The following ASB11 variants were observed in gnomAD, a reference collection of about 807,000 sequenced individuals.
ASB11 encodes the protein ankyrin repeat and SOCS box containing 11.
ASB11 carries 17 observed loss-of-function variants against 20.1 expected under a neutral mutation model. That is an observed-to-expected ratio of 0.85 (90% CI 0.58 to 1.27). ASB11 has a LOEUF of 1.27. ASB11 is among the 50% of genes most tolerant of loss of function. The pLI is 0.00. For missense variants in ASB11, 259 were observed against 256.9 expected, an observed-to-expected ratio of 1.01 and a Z score of -0.06; for synonymous variants, 107 against 105.6, an observed-to-expected ratio of 1.01 and a Z score of -0.08.
At chrX:15,306,703 AAACAACAAC>A (rs767262827) in intron 1 of ASB11, among the ~76,000 whole-genome samples, 19 of 109,640 alleles carry the variant, frequency 1.7e-4, no homozygotes, top group East Asian at 1.4e-3. Context: ...ACTTTGTCTC[AAACAACAAC>A]AACAACAACA....
At chrX:15,289,956 G>C (rs1010630474) in intron 4 of ASB11, 14 of 201,518 alleles carry the variant, frequency 6.9e-5, no homozygotes, top group Non-Finnish European at 1.0e-4. Flanking sequence ...CCGGGGAGGA[G>C]GAGGTTACAG....
rs778723266 is a variant in ASB11 at position 15,284,115 on chromosome X, G to A, written c.848-486C>T. Reference sequence around the variant, plus strand: ...AAAATACAAAAAATTAGCCGGGTGTGGTGGCGGGTGCCTATAGTCCCAGCT... The same window carrying A: ...AAAATACAAAAAATTAGCCGGGTGTAGTGGCGGGTGCCTATAGTCCCAGCT... On this transcript the variant is annotated intron_variant, in intron 6 of 6. Coordinates refer to ENST00000480796, the MANE Select transcript of ASB11 (RefSeq NM_080873.3). 1.4e-3 allele frequency among the ~76,000 whole-genome samples: 153 copies of A among 106,634 alleles called. 1 individual carries two copies. Among genetic ancestry groups the A allele is most frequent in the African/African-American group, 3.2e-3 (91 of 28,167 alleles). 92.6% of individuals were successfully genotyped at this position (106,634 alleles called of 115,157 possible). A position where few individuals can be genotyped will look rare whatever the true frequency, so the allele number is the denominator to read the frequency against.
At chrX:15,283,864 A>G (rs1927266685) in intron 6 of ASB11, among the ~76,000 whole-genome samples, 1 of 111,718 alleles carries the variant, frequency 9.0e-6, no homozygotes, top group Admixed American at 9.5e-5. Flanking sequence ...TGGATTACCA[A>G]TGTTGAAGAA....
intron 6 of ASB11, among the ~76,000 whole-genome samples, chrX:15,284,231 G>C (rs769523785): frequency 1.3e-3 from 122 of 93,147 alleles, no homozygotes; most frequent in Middle Eastern, 6.1e-3. Context: ...CAGCCTGGGC[G>C]ACAGAGCGAG....
intron 1 of ASB11, among the ~76,000 whole-genome samples, 160 bp from the exon 2 acceptor site, chrX:15,302,967 G>A (rs768456556): frequency 4.5e-5 from 5 of 111,656 alleles, no homozygotes; most frequent in Admixed American, 9.5e-5. Context: ...CTTTCAGGGA[G>A]ACAAGCTACT....
intron 1 of ASB11, chrX:15,314,329 C>CT (rs201659261): frequency 0.027 from 24,082 of 908,059 alleles, 10 homozygotes; most frequent in African/African-American, 0.037. Context: ...AGAAGCATTA[C>CT]TTTTTTTTTT....
chrX:15,297,736 G>A (rs762369980), intron 2 of ASB11, 55 bp from the exon 3 acceptor site: 16 of 1,080,013 alleles, frequency 1.5e-5, no homozygotes, highest in Non-Finnish European at 1.7e-5. Context: ...GGGTCTCACT[G>A]TGTTGCCCAG....
At chrX:15,309,435 G>T (rs1478784277) in intron 1 of ASB11, among the ~76,000 whole-genome samples, 1 of 108,696 alleles carries the variant, frequency 9.2e-6, no homozygotes, top group Non-Finnish European at 1.9e-5. Flanking sequence ...ACAAGCTCAG[G>T]GCTCCCACAG....
chrX:15,294,789 A>T (rs1016632157), intron 3 of ASB11, among the ~76,000 whole-genome samples: 6 of 112,493 alleles, frequency 5.3e-5, no homozygotes, highest in South Asian at 3.6e-4. Context: ...TTACTAAAAA[A>T]TATTTGGTAG....
chrX:15,302,692 C>G (rs1328720437), intron 2 of ASB11, 36 bp downstream of exon 2: 3 of 1,134,370 alleles, frequency 2.6e-6, no homozygotes, highest in Non-Finnish European at 3.6e-6. Flanking sequence ...GTAATTATAG[C>G]ATAAGCATGA....
rs1222220025 is a variant in ASB11, at chrX:15,282,762, A to T, written c.*743T>A. 1.8e-5 allele frequency: 2 copies of T among 109,279 alleles called. No homozygotes were observed. The highest frequency in any genetic ancestry group is 3.8e-5 in the Non-Finnish European group (2 of 52,682). The allele number at this position is 109,279 out of a possible 1,213,427, so 9.0% of individuals were successfully genotyped here. On this transcript the variant is annotated 3_prime_UTR_variant, in exon 7 of 7. Transcript: ENST00000480796. ...ACCGCAGTAACTGGAAGCCTCAGTT[A>T]ACTACAATGTTTCTGAAGTCCTTAA...
Position 15,287,924 on chromosome X carries a change from C to T in ASB11, c.804G>A (p.Ala268=), listed in dbSNP as rs1927434124. Reference sequence around the variant, plus strand: ...CCTGCTCCACGCTGCTTTTTGGAGCCGCCAGATCAAGCGCACTTTTGCCCT... The same window carrying T: ...CCTGCTCCACGCTGCTTTTTGGAGCTGCCAGATCAAGCGCACTTTTGCCCT... ...NAQGKSALDL[A]APKSSVEQAL... is the part of the protein sequence containing the mutation. The change falls in exon 6 of 7, where the codon GCG becomes GCA. Residue 268 remains alanine (A), a synonymous_variant. Coordinates refer to ENST00000480796, the MANE Select transcript of ASB11 (RefSeq NM_080873.3). 5 of 1,209,619 alleles carry T rather than the reference C, an allele frequency of 4.1e-6. No individual in the cohort carries two copies. The highest frequency in any genetic ancestry group is 5.6e-6 in the Non-Finnish European group (5 of 894,886).
intron 5 of ASB11, among the ~76,000 whole-genome samples, chrX:15,289,081 T>A (rs1206712917): frequency 8.9e-6 from 1 of 112,001 alleles, no homozygotes; most frequent in Non-Finnish European, 1.9e-5. Flanking sequence ...CTCTTGTTAG[T>A]TTCAGTTCTC....
At chrX:15,293,737 C>T (rs1427280036) in intron 3 of ASB11, among the ~76,000 whole-genome samples, 1 of 111,244 alleles carries the variant, frequency 9.0e-6, no homozygotes, top group Non-Finnish European at 1.9e-5. Flanking sequence ...ATGCAAATTA[C>T]ACATGCCAGC....
At chrX:15,283,756 C>G in intron 6 of ASB11, 127 bp from the exon 7 acceptor site, 1 of 770,934 alleles carries the variant, frequency 1.3e-6, no homozygotes, top group Non-Finnish European at 1.9e-6. Flanking sequence ...TGTATAGGAA[C>G]TATAGAATGA....
rs183579797 is a variant in ASB11, at chrX:15,293,435, G to A, written c.370-115C>T. The A allele has an allele frequency of 3.7e-4, 312 of 852,113 alleles. No homozygotes were observed. The African/African-American group carries it at 5.1e-3, about 14-fold the overall frequency. The allele number at this position is 852,113 out of a possible 1,213,427, so 70.2% of individuals were successfully genotyped here. ...TTCCCCACGCTGGTGAATAAGTGAG[G>A]GAACTCCACATCTTTACAGTATTAT... On this transcript the variant is annotated intron_variant, in intron 3 of 6. Coordinates refer to ENST00000480796, the MANE Select transcript of ASB11 (RefSeq NM_080873.3).
intron 3 of ASB11, among the ~76,000 whole-genome samples, chrX:15,294,427 G>A (rs1429817866): frequency 8.9e-6 from 1 of 112,409 alleles, no homozygotes; most frequent in East Asian, 2.8e-4. Flanking sequence ...CTGGAGTGCA[G>A]TGTCATGATC....
chrX:15,296,761 T>C (rs766883260), intron 3 of ASB11, among the ~76,000 whole-genome samples: 7 of 112,042 alleles, frequency 6.2e-5, no homozygotes, highest in African/African-American at 1.9e-4. Flanking sequence ...CCTCATACAG[T>C]GTTAGTGGGA....
chrX:15,288,403 T>C (rs913627353), intron 5 of ASB11, among the ~76,000 whole-genome samples: 1 of 111,973 alleles, frequency 8.9e-6, no homozygotes, highest in African/African-American at 3.2e-5. Context: ...TTATTTAGTA[T>C]TTATATTATT....
Sources: allele counts gnomAD v4.1 joint callset (sites outside exome capture counted in the v4.1 genomes callset), GRCh38; gene constraint gnomAD v4.1.1; transcripts MANE v1.5; gene names NCBI Gene and HGNC (gene_info 2026-07-23, HGNC 2026-07-21).